LCORL: variants seen among roughly 807,000 people sequenced by gnomAD.
LCORL encodes the protein ligand dependent nuclear receptor corepressor like, also known as ligand-dependent nuclear receptor corepressor-like protein.
A neutral mutation model predicts 141.8 loss-of-function variants in LCORL; 41 were observed. The observed-to-expected ratio is 0.29, with a 90% CI of 0.23 to 0.38. The LOEUF (loss-of-function observed/expected upper bound fraction) is 0.38, where lower values mean the gene tolerates loss of function less well. LCORL is among the 10% of genes least tolerant of loss of function. The pLI is 1.00. For synonymous variants in LCORL, 618 were observed against 694.1 expected (o/e 0.89, Z 1.72); for missense variants, 1,759 against 2,035.0 (o/e 0.86, Z 2.61).
intron 1 of LCORL, among the ~76,000 whole-genome samples, chr4:17,983,840 T>C (rs887539301): frequency 6.6e-6 from 1 of 152,226 alleles, no homozygotes; most frequent in African/African-American, 2.4e-5. Context: ...ATCCTTGTCA[T>C]GTGCCAGTTT....
At chr4:17,852,010 A>T (rs1723785412) in intron 7 of LCORL, among the ~76,000 whole-genome samples, 1 of 151,998 alleles carries the variant, frequency 6.6e-6, no homozygotes, top group African/African-American at 2.4e-5. Flanking sequence ...GTGTTATGAA[A>T]ATCCTTTGTT....
chr4:17,930,376 G>A (rs1735822726), intron 4 of LCORL, among the ~76,000 whole-genome samples: 1 of 152,120 alleles, frequency 6.6e-6, no homozygotes. Flanking sequence ...CTGTTTAATT[G>A]CACAAGCCCA....
Position 17,873,384 on chromosome 4 carries a change from T to C in LCORL, c.5602+4A>G. On this transcript the variant is annotated splice_donor_region_variant and intron_variant, in intron 7 of 7. Transcript: ENST00000635767. ...ACTTTAAAATTAAGTAGAGAAGAAC[T>C]TACCTAGGGATTTGGAAAAATAGTT... 1 of 1,233,200 alleles carries C rather than the reference T, an allele frequency of 8.1e-7. No homozygotes were observed. Among genetic ancestry groups the C allele is most frequent in the Non-Finnish European group, 1.0e-6 (1 of 987,296 alleles). The allele number at this position is 1,233,200 out of a possible 1,614,324, so 76.4% of individuals were successfully genotyped here. A position where few individuals can be genotyped will look rare whatever the true frequency, so the allele number is the denominator to read the frequency against.
intron 4 of LCORL, among the ~76,000 whole-genome samples, chr4:17,941,942 C>T (rs1738047465): frequency 6.6e-6 from 1 of 151,714 alleles, no homozygotes; most frequent in South Asian, 2.1e-4. Context: ...TAGATAATGC[C>T]TTATTCCTAT....
At chr4:17,843,278 C>T (rs774042015) in exon 8 of LCORL, 20 of 1,595,232 alleles carry the variant, frequency 1.3e-5, no homozygotes, top group South Asian at 5.7e-5. Flanking sequence ...TATCTAAATT[C>T]GTGTATTTTC....
chr4:17,869,590 C>T (rs1387479583), intron 7 of LCORL, among the ~76,000 whole-genome samples: 1 of 152,066 alleles, frequency 6.6e-6, no homozygotes, highest in Non-Finnish European at 1.5e-5. Flanking sequence ...TGTATACATC[C>T]TTCCTTTTTC....
At chr4:17,857,493 T>C (rs1560257272) in intron 7 of LCORL, among the ~76,000 whole-genome samples, 1 of 152,158 alleles carries the variant, frequency 6.6e-6, no homozygotes, top group Non-Finnish European at 1.5e-5. Flanking sequence ...ATTGCCTCTA[T>C]AGTGAGGTCA....
chr4:17,852,869 C>G (rs1577245650), intron 7 of LCORL, among the ~76,000 whole-genome samples: 1 of 151,974 alleles, frequency 6.6e-6, no homozygotes, highest in African/African-American at 2.4e-5. Flanking sequence ...GTATCTAGCT[C>G]TAATAATTTA....
Position 17,993,436 on chromosome 4 carries a change from C to A in LCORL, c.155-20551G>T, listed in dbSNP as rs938178852. ...GCCAGGCTGGTCTTGAACTCCTGACCTCAAGTGATCCTCCCGCCTCAGCCT... is the reference window on the plus strand; with the variant it reads ...GCCAGGCTGGTCTTGAACTCCTGACATCAAGTGATCCTCCCGCCTCAGCCT... On this transcript the variant is annotated intron_variant, in intron 1 of 7. Transcript: ENST00000635767. 3.3e-5 allele frequency among the ~76,000 whole-genome samples: 5 copies of A among 151,992 alleles called. No homozygotes were observed. In the East Asian group the frequency reaches 9.8e-4, roughly 30 times the overall value.
intron 7 of LCORL, among the ~76,000 whole-genome samples, chr4:17,851,247 G>A (rs566720199): frequency 2.4e-4 from 37 of 151,768 alleles, no homozygotes; most frequent in Non-Finnish European, 4.3e-4. Flanking sequence ...CCTGCATGTT[G>A]TGCACATGTA....
intron 4 of LCORL, among the ~76,000 whole-genome samples, chr4:17,930,180 T>C (rs1006959117): frequency 4.6e-5 from 7 of 152,220 alleles, no homozygotes; most frequent in African/African-American, 1.7e-4. Context: ...TATAGCCACT[T>C]TGGAAAACAG....
chr4:17,962,412 C>A (rs2109604401), intron 3 of LCORL, among the ~76,000 whole-genome samples: 1 of 152,124 alleles, frequency 6.6e-6, no homozygotes, highest in South Asian at 2.1e-4. Context: ...GTTTTCAATT[C>A]TTCTCAGCCC....
At chr4:17,995,278 C>T (rs1720730115) in intron 1 of LCORL, among the ~76,000 whole-genome samples, 2 of 149,546 alleles carry the variant, frequency 1.3e-5, no homozygotes, top group Non-Finnish European at 3.0e-5. Flanking sequence ...TCTGCTATGA[C>T]TTAAGGACTA....
chr4:17,907,007 A>G (rs1478550672), intron 5 of LCORL, among the ~76,000 whole-genome samples: 1 of 152,162 alleles, frequency 6.6e-6, no homozygotes, highest in African/African-American at 2.4e-5. Context: ...CTAACCACTC[A>G]TCTGATGCTT....
In LCORL at chr4:17,876,783, T is replaced by C. The variant is rs575607054; in HGVS notation, c.2207A>G (p.Glu736Gly). ...AAATTGTTTTCCATCTGCAGATTTC[T>C]CCTGTGGCTTTCTTATGCTCATTTT... Residue 736 changes from glutamate to glycine, a missense_variant, in exon 7 of 8, where the codon GAG (glutamate) becomes GGG (glycine). By Grantham distance (98) the Glu-to-Gly change is moderately conservative. Around this residue, in one of 5 missense-constraint regions of LCORL, gnomAD observed 1,311 missense variants for 1,531.3 expected, o/e 0.86. Coordinates refer to ENST00000635767, the Ensembl canonical transcript of LCORL. The C allele has an allele frequency of 2.2e-4, 271 of 1,230,872 alleles. 1 individual carries two copies. In the African/African-American group the frequency reaches 3.9e-3, roughly 18 times the overall value. The allele number at this position is 1,230,872 out of a possible 1,614,324, so 76.2% of individuals were successfully genotyped here.
intron 4 of LCORL, among the ~76,000 whole-genome samples, chr4:17,947,177 C>T (rs564412235): frequency 1.3e-5 from 2 of 152,042 alleles, no homozygotes; most frequent in Admixed American, 1.3e-4. Flanking sequence ...TATGCGTACA[C>T]ACACACATAC....
exon 7 of LCORL, chr4:17,875,679 A>G (rs748850511): frequency 1.3e-4 from 162 of 1,231,148 alleles, no homozygotes; most frequent in Non-Finnish European, 1.4e-4. Flanking sequence ...TGTTTGATCA[A>G]TTTTAGGCTT....
intron 3 of LCORL, 69 bp downstream of exon 3, chr4:17,962,901 A>C (rs1021586336): frequency 1.2e-6 from 1 of 814,232 alleles, no homozygotes; most frequent in Admixed American, 3.0e-5. Flanking sequence ...AAAACAAATT[A>C]AGATAAAAAA....
At chr4:17,947,183 CAT>C (rs967521091) in intron 4 of LCORL, among the ~76,000 whole-genome samples, 1 of 151,900 alleles carries the variant, frequency 6.6e-6, no homozygotes, top group African/African-American at 2.4e-5. Flanking sequence ...TACACACACA[CAT>C]ACAATGGGAT....
Sources: gnomAD v4.1 joint callset for allele counts (sites outside exome capture counted in the v4.1 genomes callset) on GRCh38, gnomAD v4.1.1 for gene constraint, gnomAD v4.1.1 regional missense constraint, MANE v1.5 for transcripts, NCBI Gene and HGNC (gene_info 2026-07-23, HGNC 2026-07-21) for gene names.